Variants in SUN1 observed in about 807,000 individuals in gnomAD.
SUN1 encodes SUN domain-containing protein 1.
A neutral mutation model predicts 103.2 loss-of-function variants in SUN1; 61 were observed. The observed-to-expected ratio is 0.59, with a 90% confidence interval of 0.48 to 0.73. The LOEUF is 0.73. SUN1 is among the 30% of genes least tolerant of loss of function. The pLI is 0.00. For missense variants in SUN1, 1,052 were observed against 1,034.6 expected, an observed-to-expected ratio of 1.02 and a Z score of -0.23; for synonymous variants, 490 against 425.7, an observed-to-expected ratio of 1.15 and a Z score of -1.86.
intron 3 of SUN1, 81 bp from the exon 4 acceptor site, chr7:843,125 A>G: frequency 6.3e-7 from 1 of 1,581,778 alleles, no homozygotes; most frequent in Non-Finnish European, 8.6e-7. Context: ...TAACCTTTAC[A>G]TTTTTTAATG....
intron 15 of SUN1, among the ~76,000 whole-genome samples, chr7:861,817 G>T (rs751327470): frequency 6.6e-6 from 1 of 152,234 alleles, no homozygotes; most frequent in South Asian, 2.1e-4. Flanking sequence ...CTCCCCGAGG[G>T]CGTCCACTCA....
In SUN1 at chr7:869,172, C is replaced by T. The variant is rs539095325; in HGVS notation, c.1981-177C>T. The T allele has an allele frequency of 6.9e-6, 5 of 729,654 alleles. No individual in the cohort carries two copies. In the South Asian group the frequency reaches 9.2e-5, roughly 13 times the overall value. 45.2% of individuals were successfully genotyped at this position (729,654 alleles called of 1,614,324 possible). A position where few individuals can be genotyped will look rare whatever the true frequency, so the allele number is the denominator to read the frequency against. ...ACAACATATGGGTTGGAGATAGTGG[C>T]CCTCTGAGGAGTGAATTACAAATGC... On this transcript the variant is annotated intron_variant, in intron 16 of 18. Transcript: ENST00000401592.
intron 2 of SUN1, among the ~76,000 whole-genome samples, chr7:841,552 A>G (rs1047136328): frequency 2.6e-5 from 4 of 152,246 alleles, no homozygotes; most frequent in East Asian, 1.9e-4. Flanking sequence ...ATGACTACCT[A>G]TTCTTGTTGT....
chr7:840,477 C>T (rs1428864191), intron 2 of SUN1, among the ~76,000 whole-genome samples: 1 of 152,242 alleles, frequency 6.6e-6, no homozygotes, highest in Non-Finnish European at 1.5e-5. Context: ...TCACTGCTGC[C>T]TTTGGCCTCC....
intron 1 of SUN1, among the ~76,000 whole-genome samples, chr7:823,505 A>C (rs1019219816): frequency 1.3e-5 from 2 of 152,122 alleles, no homozygotes; most frequent in Non-Finnish European, 2.9e-5. Flanking sequence ...GAAAGAGTGG[A>C]GGAGCGGCAT....
At chr7:842,412 T>A (rs1810984170) in intron 3 of SUN1, 1 of 409,134 alleles carries the variant, frequency 2.4e-6, no homozygotes, top group African/African-American at 2.1e-5. Context: ...AGTGACTAGT[T>A]CCAATGGGGA....
Position 860,339 on chromosome 7 carries a change from T to C in SUN1, c.1736T>C (p.Val579Ala), listed in dbSNP as rs758273438. The C allele has an allele frequency of 1.2e-6, 2 of 1,614,204 alleles. No individual in the cohort carries two copies. Among genetic ancestry groups the C allele is most frequent in the Non-Finnish European group, 1.7e-6 (2 of 1,180,038 alleles). The change falls in exon 14 of 19, where the codon GTG becomes GCG. Residue 579 changes from valine (V) to alanine (A), a missense_variant. Transcript: ENST00000401592. The part of the protein sequence containing the change: ...TKQLPTSEAV[V>A]SAVSEAGASG... The stretch of plus-strand genomic sequence containing the variant: ...CAGCTCCCAACCTCAGAAGCCGTGG[T>C]GTCTGCTGTGAGCGAGGCGGGGGCG...
At chr7:849,505 T>C (rs768413144) in intron 5 of SUN1, 9 of 1,361,762 alleles carry the variant, frequency 6.6e-6, no homozygotes, top group South Asian at 1.1e-5. Context: ...TAAGCCTCTT[T>C]TGCGTGTGTT....
intron 1 of SUN1, among the ~76,000 whole-genome samples, chr7:819,463 A>G (rs2128126019): frequency 6.6e-6 from 1 of 152,222 alleles, no homozygotes; most frequent in South Asian, 2.1e-4. Flanking sequence ...TTAAGAGTTT[A>G]TCATTTTAGC....
At chr7:868,160 CG>C (rs1268387244) in intron 16 of SUN1, among the ~76,000 whole-genome samples, 1 of 152,240 alleles carries the variant, frequency 6.6e-6, no homozygotes, top group Non-Finnish European at 1.5e-5. Context: ...GAATGAAATG[CG>C]TGTGTCGTCC....
intron 1 of SUN1, among the ~76,000 whole-genome samples, chr7:823,943 G>C (rs1454598323): frequency 6.6e-6 from 1 of 152,224 alleles, no homozygotes; most frequent in Non-Finnish European, 1.5e-5. Flanking sequence ...TGGGTTACAT[G>C]AATTATTAAT....
In SUN1 at chr7:843,252, T is replaced by G; in HGVS notation, c.478+20T>G. 6.2e-7 allele frequency: 1 copy of G among 1,609,378 alleles called. No homozygotes were observed. The highest frequency in any genetic ancestry group is 1.1e-5 in the South Asian group (1 of 90,142). On this transcript the variant is annotated intron_variant, in intron 4 of 18. Coordinates refer to ENST00000401592, the MANE Select transcript of SUN1 (RefSeq NM_001130965.3). ...TTAAAGGTAATTATTTTAGTCCTTT[T>G]ATCTTCATATACTTTTCAAAATAGA...
chr7:819,366 T>G (rs1352891067), intron 1 of SUN1, among the ~76,000 whole-genome samples: 2 of 152,148 alleles, frequency 1.3e-5, no homozygotes, highest in Non-Finnish European at 2.9e-5. Flanking sequence ...AATTTTTCTG[T>G]TTTTTCTTTT....
intron 13 of SUN1, among the ~76,000 whole-genome samples, chr7:859,879 C>G (rs1393766983): frequency 1.3e-5 from 2 of 152,210 alleles, no homozygotes; most frequent in African/African-American, 4.8e-5. Flanking sequence ...ACATGCCCCA[C>G]TATGTCCTTC....
At chr7:825,872 A>G (rs1673496573) in intron 1 of SUN1, among the ~76,000 whole-genome samples, 1 of 150,974 alleles carries the variant, frequency 6.6e-6, no homozygotes, top group African/African-American at 2.4e-5. Context: ...TCTAAGGACG[A>G]TAATTATGTT....
rs571195718 is a variant in SUN1, at chr7:872,955, C to T, written c.2242-260C>T. Among the ~76,000 whole-genome samples, 28 of 152,272 alleles carry T rather than the reference C, an allele frequency of 1.8e-4. No individual in the cohort carries two copies. In the South Asian group the frequency reaches 4.4e-3, roughly 24 times the overall value. On this transcript the variant is annotated intron_variant, in intron 18 of 18. Coordinates refer to ENST00000401592, the MANE Select transcript of SUN1 (RefSeq NM_001130965.3). ...TACAAAAATGAGCTGGGCGTGGTGGCGCACGCCTGTAATCCCAGCTACTCA... is the reference window on the plus strand; with the variant it reads ...TACAAAAATGAGCTGGGCGTGGTGGTGCACGCCTGTAATCCCAGCTACTCA...
At position 874,770 on chromosome 7, in the gene SUN1, A is replaced by G. The variant is rs1296707855; in HGVS notation, c.*1439A>G. The G allele has an allele frequency of 1.3e-5, 2 of 152,254 alleles. No individual in the cohort carries two copies. Among genetic ancestry groups the G allele is most frequent in the Admixed American group, 6.5e-5 (1 of 15,290 alleles). 9.4% of individuals were successfully genotyped at this position (152,254 alleles called of 1,614,324 possible). ...ATTAATTTATTTTTAAAGATGCAAG[A>G]TAGGACTTTGTGCAATGTATTTTTG... On this transcript the variant is annotated 3_prime_UTR_variant, in exon 19 of 19. Coordinates refer to ENST00000401592, the MANE Select transcript of SUN1 (RefSeq NM_001130965.3).
At chr7:863,798 T>C (rs1378839773) in intron 15 of SUN1, among the ~76,000 whole-genome samples, 6 of 152,206 alleles carry the variant, frequency 3.9e-5, no homozygotes, top group Admixed American at 3.9e-4. Flanking sequence ...AAAAGTTCAT[T>C]TGGAGTAGCT....
intron 10 of SUN1, among the ~76,000 whole-genome samples, chr7:854,496 T>G (rs1825306307): frequency 6.6e-6 from 1 of 152,260 alleles, no homozygotes; most frequent in Admixed American, 6.5e-5. Context: ...GGTGCTGCCC[T>G]GCTGGACAGC....
Sources: allele counts gnomAD v4.1 joint callset (sites outside exome capture counted in the v4.1 genomes callset), GRCh38; gene constraint gnomAD v4.1.1; transcripts MANE v1.5; gene names NCBI Gene and HGNC (gene_info 2026-07-23, HGNC 2026-07-21).